The following ASTN2 variants were observed in gnomAD, a reference collection of about 807,000 sequenced individuals.
ASTN2 encodes the protein astrotactin-2.
A neutral mutation model predicts 139.8 loss-of-function variants in ASTN2; 54 were observed. The ratio of observed to expected loss-of-function variants is 0.39; its 90% CI spans 0.31 to 0.48. The LOEUF (loss-of-function observed/expected upper bound fraction) is 0.48. Among genes scored for constraint, ASTN2 ranks in the 20% least tolerant of loss-of-function variants. The probability of loss-of-function intolerance (pLI) is 0.95; values close to 1 mark genes in which losing one functional copy is unlikely to be tolerated. For synonymous variants in ASTN2, 756 were observed against 719.5 expected, an observed-to-expected ratio of 1.05 and a Z score of -0.81; for missense variants, 1,565 against 1,725.1, an observed-to-expected ratio of 0.91 and a Z score of 1.64.
intron 1 of ASTN2, among the ~76,000 whole-genome samples, chr9:117,368,221 G>A (rs1334668313): frequency 1.3e-5 from 2 of 152,074 alleles, no homozygotes; most frequent in African/African-American, 2.4e-5. Context: ...CAGGGATCTA[G>A]AAGTCTTATC....
intron 19 of ASTN2, among the ~76,000 whole-genome samples, chr9:116,518,397 C>T (rs1850736157): frequency 1.3e-5 from 2 of 152,042 alleles, no homozygotes; most frequent in African/African-American, 2.4e-5. Flanking sequence ...AATTGTGTAT[C>T]CAGAAACACT....
chr9:116,902,295 GAA>G (rs547495235), intron 10 of ASTN2, among the ~76,000 whole-genome samples: 1 of 151,440 alleles, frequency 6.6e-6, no homozygotes, highest in Non-Finnish European at 1.5e-5. Context: ...TTTTTAACAA[GAA>G]AAGTTTAAAA....
At chr9:117,402,377 TAAG>T (rs1275734074) in intron 1 of ASTN2, among the ~76,000 whole-genome samples, 2 of 152,190 alleles carry the variant, frequency 1.3e-5, no homozygotes, top group African/African-American at 4.8e-5. Context: ...GAAAATCATT[TAAG>T]AAGCAAAACC....
rs374457856 is a variant in ASTN2, at chr9:116,571,648, T to C, written c.3355+46676A>G. On this transcript the variant is annotated intron_variant, in intron 19 of 22. Transcript: ENST00000313400. ...CAGTATGCCTGTGGGAAGGTGGCTA[T>C]GTTTACGCATCTGTGTGCCTGTGCT... 1.1e-4 allele frequency among the ~76,000 whole-genome samples: 17 copies of C among 152,288 alleles called. No homozygotes were observed. In the South Asian group the frequency reaches 3.3e-3, roughly 30 times the overall value.
intron 1 of ASTN2, among the ~76,000 whole-genome samples, chr9:117,400,989 G>T (rs142754514): frequency 6.6e-6 from 1 of 152,138 alleles, no homozygotes; most frequent in African/African-American, 2.4e-5. Context: ...AGGTAGGGAG[G>T]GGGCTGGTAT....
chr9:117,090,564 T>A (rs1233449647), intron 5 of ASTN2, among the ~76,000 whole-genome samples: 1 of 152,236 alleles, frequency 6.6e-6, no homozygotes, highest in East Asian at 1.9e-4. Context: ...TTGAGCTGAT[T>A]TAGTTTGGAG....
intron 17 of ASTN2, among the ~76,000 whole-genome samples, chr9:116,633,157 T>C (rs781133752): frequency 1.3e-5 from 2 of 152,198 alleles, no homozygotes; most frequent in African/African-American, 4.8e-5. Flanking sequence ...AAGTGATGAA[T>C]AGCAGACCAA....
At chr9:116,616,954 C>G (rs1588089270) in intron 19 of ASTN2, among the ~76,000 whole-genome samples, 1 of 152,176 alleles carries the variant, frequency 6.6e-6, no homozygotes, top group Non-Finnish European at 1.5e-5. Flanking sequence ...GCACTCCATA[C>G]AGAGTCAAAA....
chr9:117,059,886 G>A (rs1839187094), intron 5 of ASTN2, among the ~76,000 whole-genome samples: 1 of 152,178 alleles, frequency 6.6e-6, no homozygotes, highest in African/African-American at 2.4e-5. Context: ...CAATTCCTAA[G>A]TGATGCATCC....
chr9:116,690,830 A>T (rs1324431946), intron 16 of ASTN2, among the ~76,000 whole-genome samples: 4 of 152,190 alleles, frequency 2.6e-5, no homozygotes, highest in Admixed American at 2.0e-4. Flanking sequence ...GAGAACATAT[A>T]AAAAAATGCC....
At chr9:117,304,980 C>G (rs377078768) in intron 1 of ASTN2, among the ~76,000 whole-genome samples, 1 of 152,314 alleles carries the variant, frequency 6.6e-6, no homozygotes, top group South Asian at 2.1e-4. Flanking sequence ...CCCACCAGAA[C>G]AGTGTGTGCC....
chr9:117,306,657 G>A (rs1403017646), intron 1 of ASTN2, among the ~76,000 whole-genome samples: 1 of 152,164 alleles, frequency 6.6e-6, no homozygotes, highest in Admixed American at 6.5e-5. Context: ...TCAGAAAACA[G>A]CGACAACTAC....
At chr9:117,327,690 C>T (rs1470634010) in intron 1 of ASTN2, among the ~76,000 whole-genome samples, 1 of 152,270 alleles carries the variant, frequency 6.6e-6, no homozygotes, top group Non-Finnish European at 1.5e-5. Context: ...TTGAAGAAAC[C>T]GATGCAGAAG....
At chr9:117,095,850 A>G (rs1828826919) in intron 5 of ASTN2, among the ~76,000 whole-genome samples, 194 bp downstream of exon 5, 2 of 152,222 alleles carry the variant, frequency 1.3e-5, no homozygotes, top group South Asian at 4.1e-4. Context: ...ACAGAAAGCA[A>G]ATAAAGAATA....
At chr9:116,468,488 T>G (rs1370449753) in intron 20 of ASTN2, among the ~76,000 whole-genome samples, 2 of 152,208 alleles carry the variant, frequency 1.3e-5, no homozygotes, top group Non-Finnish European at 2.9e-5. Flanking sequence ...AGGAATTGTC[T>G]GTGGCTCATC....
At chr9:116,752,423 A>G (rs1829424655) in intron 13 of ASTN2, among the ~76,000 whole-genome samples, 1 of 152,184 alleles carries the variant, frequency 6.6e-6, no homozygotes, top group African/African-American at 2.4e-5. Flanking sequence ...AAAACCTACA[A>G]AACTTCTAGG....
At chr9:117,214,797 C>G in intron 2 of ASTN2, 55 bp from the exon 3 acceptor site, 1 of 1,425,120 alleles carries the variant, frequency 7.0e-7, no homozygotes, top group Non-Finnish European at 9.2e-7. Context: ...GAATCGAGGG[C>G]TGCAGGGGAT....
At chr9:116,515,540 G>A (rs749193888) in intron 19 of ASTN2, among the ~76,000 whole-genome samples, 3 of 152,180 alleles carry the variant, frequency 2.0e-5, no homozygotes, top group Non-Finnish European at 4.4e-5. Context: ...GATGGTTGGA[G>A]GCAGAAACAA....
intron 11 of ASTN2, among the ~76,000 whole-genome samples, chr9:116,854,869 G>T (rs1832697913): frequency 6.6e-6 from 1 of 151,938 alleles, no homozygotes; most frequent in Non-Finnish European, 1.5e-5. Flanking sequence ...GGCCAGGATG[G>T]TCTCGAACTC....
Sources: allele counts gnomAD v4.1 joint callset (sites outside exome capture counted in the v4.1 genomes callset), GRCh38; gene constraint gnomAD v4.1.1; transcripts MANE v1.5; gene names NCBI Gene and HGNC (gene_info 2026-07-23, HGNC 2026-07-21).